TASP1: variants seen among roughly 807,000 people sequenced by gnomAD.
TASP1 encodes threonine aspartase 1.
In TASP1, 16 loss-of-function variants were observed where a neutral mutation model predicts 56.6. That is an observed-to-expected ratio of 0.28 (90% CI 0.19 to 0.43). The LOEUF (loss-of-function observed/expected upper bound fraction) is 0.43, where lower values mean the gene tolerates loss of function less well. Among genes scored for constraint, TASP1 ranks in the 20% least tolerant of loss-of-function variants. The probability of loss-of-function intolerance (pLI) is 1.00; values close to 1 mark genes in which losing one functional copy is unlikely to be tolerated. For synonymous variants in TASP1, 179 were observed against 184.2 expected (o/e 0.97, Z 0.23); for missense variants, 393 against 511.6 (o/e 0.77, Z 2.24).
chr20:13,443,150 T>C (rs1240846869), intron 11 of TASP1, among the ~76,000 whole-genome samples: 3 of 152,230 alleles, frequency 2.0e-5, no homozygotes, highest in Non-Finnish European at 4.4e-5. Flanking sequence ...GAACAAGATC[T>C]ATTACTATAC....
chr20:13,221,849 C>A, the TASP1 span: 1 of 1,441,312 alleles, frequency 6.9e-7, no homozygotes. Flanking sequence ...CACCGTGCTG[C>A]GCGGCTCGGG....
At chr20:13,395,707 T>C (rs1376841619) in intron 13 of TASP1, among the ~76,000 whole-genome samples, 2 of 150,982 alleles carry the variant, frequency 1.3e-5, no homozygotes, top group African/African-American at 4.9e-5. Context: ...TTTTTTTTTT[T>C]TTCTTTTTTC....
intron 7 of TASP1, among the ~76,000 whole-genome samples, chr20:13,562,929 G>A (rs1428948042): frequency 6.8e-6 from 1 of 146,082 alleles, no homozygotes; most frequent in African/African-American, 2.5e-5. Context: ...GTGTGTGTGT[G>A]TGTGTGTGTG....
chr20:13,151,343 A>G, the TASP1 span, among the ~76,000 whole-genome samples: 1 of 152,222 alleles, frequency 6.6e-6, no homozygotes, highest in Non-Finnish European at 1.5e-5. Flanking sequence ...ATGATAGACC[A>G]GTGTATGGCT....
chr20:13,418,101 G>C (rs1447665839), intron 12 of TASP1, among the ~76,000 whole-genome samples: 1 of 152,040 alleles, frequency 6.6e-6, no homozygotes, highest in Admixed American at 6.6e-5. Flanking sequence ...TAGTAGAGAC[G>C]GGGTTTCACC....
chr20:13,463,848 C>A (rs1235376780), intron 11 of TASP1, among the ~76,000 whole-genome samples: 2 of 151,780 alleles, frequency 1.3e-5, no homozygotes, highest in Non-Finnish European at 2.9e-5. Context: ...AAGAAAAAAC[C>A]CAGAAAATAA....
At chr20:13,614,934 A>C in intron 4 of TASP1, 1 of 417,500 alleles carries the variant, frequency 2.4e-6, no homozygotes, top group Admixed American at 3.0e-5. Context: ...TTTGGCAGCC[A>C]CTTATACTTC....
intron 3 of TASP1, 147 bp downstream of exon 3, chr20:13,625,038 C>G (rs147689466): frequency 2.0e-6 from 1 of 510,458 alleles, no homozygotes; most frequent in East Asian, 3.3e-5. Flanking sequence ...CAACACAAAA[C>G]GATCCCCTAC....
At chr20:13,625,118 A>G in intron 3 of TASP1, 67 bp downstream of exon 3, 1 of 1,172,776 alleles carries the variant, frequency 8.5e-7, no homozygotes. Flanking sequence ...TTAAATGTTG[A>G]ATTTCAAGGT....
chr20:13,511,761 C>T (rs1236351028), intron 10 of TASP1, among the ~76,000 whole-genome samples: 2 of 132,692 alleles, frequency 1.5e-5, no homozygotes, highest in African/African-American at 2.8e-5. Context: ...CCCCCCTCCC[C>T]CACCCCACAA....
the TASP1 span, among the ~76,000 whole-genome samples, chr20:13,158,309 A>G: frequency 6.6e-6 from 1 of 152,216 alleles, no homozygotes. Context: ...ATATATATTA[A>G]CTTAAGAACA....
At chr20:13,233,659 T>C in the TASP1 span, among the ~76,000 whole-genome samples, 1 of 150,200 alleles carries the variant, frequency 6.7e-6, no homozygotes. Context: ...AAGAAATGAA[T>C]TGAGGAAATT....
Position 13,493,554 on chromosome 20 carries a change from T to C in TASP1, c.875-10217A>G, listed in dbSNP as rs530570777. Among the ~76,000 whole-genome samples the C allele has an allele frequency of 2.0e-5, 3 of 152,310 alleles. No individual in the cohort carries two copies. In the South Asian group the frequency reaches 6.2e-4, roughly 32 times the overall value. On this transcript the variant is annotated intron_variant, in intron 10 of 13. Coordinates refer to ENST00000337743, the MANE Select transcript of TASP1 (RefSeq NM_017714.3). ...GATTCCTGCACTTACACCATTGGTT[T>C]GCTGGGGGCTCTTGGGCCTTTGGCC...
chr20:13,153,919 T>C, the TASP1 span: 1 of 1,558,148 alleles, frequency 6.4e-7, no homozygotes, highest in Non-Finnish European at 8.7e-7. Flanking sequence ...GCAGAAAGAC[T>C]TAAAGATGCT....
intron 12 of TASP1, among the ~76,000 whole-genome samples, chr20:13,431,653 G>C (rs981263819): frequency 1.3e-5 from 2 of 152,142 alleles, no homozygotes; most frequent in Non-Finnish European, 1.5e-5. Context: ...GAATGCTATA[G>C]GGTCTGAATG....
chr20:13,562,454 A>G (rs2046373551), intron 7 of TASP1, among the ~76,000 whole-genome samples: 1 of 152,016 alleles, frequency 6.6e-6, no homozygotes, highest in African/African-American at 2.4e-5. Context: ...AACAAATAAA[A>G]CCAAAAGTTA....
chr20:13,427,237 T>G (rs1242399814), intron 12 of TASP1, among the ~76,000 whole-genome samples: 2 of 152,236 alleles, frequency 1.3e-5, no homozygotes, highest in East Asian at 3.8e-4. Context: ...AAAATAACCT[T>G]TTATCTTTTT....
chr20:13,225,455 T>C, the TASP1 span, among the ~76,000 whole-genome samples: 1 of 152,220 alleles, frequency 6.6e-6, no homozygotes, highest in African/African-American at 2.4e-5. Context: ...ACATTATATA[T>C]ACATAATACA....
the TASP1 span, among the ~76,000 whole-genome samples, chr20:13,114,841 C>A: frequency 6.6e-6 from 1 of 152,042 alleles, no homozygotes; most frequent in South Asian, 2.1e-4. Context: ...CTGCCAGTGG[C>A]TAATATGGTT....
Sources: gnomAD v4.1 joint callset for allele counts (sites outside exome capture counted in the v4.1 genomes callset) on GRCh38, gnomAD v4.1.1 for gene constraint, MANE v1.5 for transcripts, NCBI Gene and HGNC (gene_info 2026-07-23, HGNC 2026-07-21) for gene names.